GAS7: variants seen among roughly 807,000 people sequenced by gnomAD.
GAS7 encodes the protein growth arrest specific 7, also known as growth arrest-specific protein 7.
A neutral mutation model predicts 71.1 loss-of-function variants in GAS7; 28 were observed. The observed-to-expected ratio is 0.39, with a 90% confidence interval of 0.29 to 0.54. The LOEUF (loss-of-function observed/expected upper bound fraction) is 0.54. Among genes scored for constraint, GAS7 ranks in the 20% least tolerant of loss-of-function variants. The pLI is 0.62. For synonymous variants in GAS7, 258 were observed against 245.8 expected, an observed-to-expected ratio of 1.05 and a Z score of -0.46; for missense variants, 436 against 627.8, an observed-to-expected ratio of 0.69 and a Z score of 3.27.
At chr17:10,059,853 C>A (rs1443857783) in intron 1 of GAS7, 6 of 975,452 alleles carry the variant, frequency 6.2e-6, no homozygotes, top group Non-Finnish European at 7.3e-6. Flanking sequence ...AAAATAGAGA[C>A]TTGACGTTGC....
intron 1 of GAS7, among the ~76,000 whole-genome samples, chr17:10,090,496 A>G (rs1415107219): frequency 3.3e-5 from 5 of 152,126 alleles, no homozygotes; most frequent in African/African-American, 1.2e-4. Context: ...ACAGAGACAC[A>G]AGCATACTAC....
At chr17:9,988,555 A>G (rs1012854564) in intron 2 of GAS7, among the ~76,000 whole-genome samples, 1 of 152,132 alleles carries the variant, frequency 6.6e-6, no homozygotes, top group Admixed American at 6.6e-5. Flanking sequence ...TTGCTACAAG[A>G]CATTTGAAAT....
rs12453635 is a variant in GAS7 at position 9,951,786 on chromosome 17, A to G, written c.526-4803T>C. The stretch of plus-strand genomic sequence containing the variant: ...AAAAAAAAAAAAAAAAAAAAAAAAA[A>G]CAAGAAGAAAGGACTTTCCCATGTC... On this transcript the variant is annotated intron_variant, in intron 5 of 13. Coordinates refer to ENST00000432992, the MANE Select transcript of GAS7 (RefSeq NM_201433.2). Among the ~76,000 whole-genome samples, 117 of 138,310 alleles carry G rather than the reference A, an allele frequency of 8.5e-4. 2 individuals carry two copies. The East Asian group carries it at 0.025, about 29-fold the overall frequency. The allele number at this position is 138,310 out of a possible 152,430, so 90.7% of individuals were successfully genotyped here. A position where few individuals can be genotyped will look rare whatever the true frequency, so the allele number is the denominator to read the frequency against.
At chr17:10,187,873 T>A (rs11078836) in intron 1 of GAS7, among the ~76,000 whole-genome samples, 60,461 of 152,128 alleles carry the variant, frequency 0.4, 12,259 homozygotes, top group African/African-American at 0.46. Context: ...AAAGTAATTC[T>A]TTTCTGGACA....
chr17:9,951,602 C>T (rs1214552704), intron 5 of GAS7, among the ~76,000 whole-genome samples: 2 of 151,944 alleles, frequency 1.3e-5, no homozygotes, highest in Non-Finnish European at 2.9e-5. Context: ...ACTAAAAATA[C>T]AAAATTAGCC....
intron 2 of GAS7, among the ~76,000 whole-genome samples, chr17:9,988,120 C>T (rs768088667): frequency 2.0e-5 from 3 of 152,250 alleles, no homozygotes; most frequent in Non-Finnish European, 2.9e-5. Context: ...TATACTCACC[C>T]TTCTGTGCTA....
chr17:9,997,091 AGAG>A (rs2071077646), intron 2 of GAS7, among the ~76,000 whole-genome samples: 1 of 152,198 alleles, frequency 6.6e-6, no homozygotes, highest in Non-Finnish European at 1.5e-5. Flanking sequence ...CGTATGGTAA[AGAG>A]GTGCTTCTCA....
At chr17:10,121,880 T>C (rs1403790019) in intron 1 of GAS7, among the ~76,000 whole-genome samples, 1 of 152,036 alleles carries the variant, frequency 6.6e-6, no homozygotes, top group African/African-American at 2.4e-5. Flanking sequence ...CAGCATGGAA[T>C]GCACCCCCTC....
chr17:10,105,399 C>T (rs2073747392), intron 1 of GAS7, among the ~76,000 whole-genome samples: 1 of 152,160 alleles, frequency 6.6e-6, no homozygotes, highest in Non-Finnish European at 1.5e-5. Context: ...CTTGGTCTCA[C>T]TAGCCATTTT....
chr17:10,171,763 C>A (rs1240311111), intron 1 of GAS7, among the ~76,000 whole-genome samples: 1 of 150,734 alleles, frequency 6.6e-6, no homozygotes, highest in Non-Finnish European at 1.5e-5. Context: ...TGAGCAAATT[C>A]TTTGACCTCT....
chr17:9,967,613 A>ACTT, intron 4 of GAS7, among the ~76,000 whole-genome samples: 1 of 109,504 alleles, frequency 9.1e-6, no homozygotes, highest in Admixed American at 8.6e-5. Context: ...TGTGTGTCCT[A>ACTT]CTTTTTTTTT....
At chr17:10,009,178 G>A (rs1009856541) in intron 2 of GAS7, among the ~76,000 whole-genome samples, 10 of 151,490 alleles carry the variant, frequency 6.6e-5, no homozygotes, top group East Asian at 1.9e-4. Context: ...AAAATTAGCC[G>A]GGCGTAGTGG....
chr17:10,150,450 AC>A (rs1166143227), intron 1 of GAS7, among the ~76,000 whole-genome samples: 1 of 148,734 alleles, frequency 6.7e-6, no homozygotes, highest in Non-Finnish European at 1.5e-5. Context: ...ACACACACAC[AC>A]AAAGTGTAAA....
Position 10,190,412 on chromosome 17 carries a change from A to G in GAS7, c.183+7796T>C, listed in dbSNP as rs140718174. 6.2e-3 allele frequency among the ~76,000 whole-genome samples: 942 copies of G among 151,936 alleles called. 8 individuals carry two copies. The highest frequency in any genetic ancestry group is 0.022 in the African/African-American group (900 of 41,440). On this transcript the variant is annotated intron_variant, in intron 1 of 13. Transcript: ENST00000432992. ...AGCCTGACCAGCGTGGTGAAACCCC[A>G]TCTCTATTAAAAATACAAAAATTAG... is the stretch of plus-strand genomic sequence containing the variant.
At chr17:10,018,884 G>A (rs758022377) in intron 2 of GAS7, among the ~76,000 whole-genome samples, 11 of 152,172 alleles carry the variant, frequency 7.2e-5, no homozygotes, top group Non-Finnish European at 1.0e-4. Context: ...GCCTTGGAAC[G>A]CATGTCTGTG....
chr17:10,126,892 C>T (rs2073955643), intron 1 of GAS7, among the ~76,000 whole-genome samples: 1 of 152,164 alleles, frequency 6.6e-6, no homozygotes, highest in African/African-American at 2.4e-5. Flanking sequence ...CTTTTTTAAC[C>T]TCTTTGGGTC....
chr17:9,969,799 G>GC lies in GAS7; in HGVS notation c.386-38dup. ...GAGACACGGCTCAGATGCTGTGTGGGCCACAGATGGGCACCCCCGCCTTTC... is the reference window on the plus strand; with the variant it reads ...GAGACACGGCTCAGATGCTGTGTGGGCCCACAGATGGGCACCCCCGCCTTTC... On this transcript the variant is annotated intron_variant, in intron 3 of 13. Coordinates refer to ENST00000432992, the MANE Select transcript of GAS7 (RefSeq NM_201433.2). The surrounding 1 kb of genome is among the most constrained non-coding windows in gnomAD (Gnocchi z 5.5). The GC allele has an allele frequency of 1.5e-6, 2 of 1,337,982 alleles. No homozygotes were observed. Among genetic ancestry groups the GC allele is most frequent in the East Asian group, 4.6e-5 (2 of 43,442 alleles). 82.9% of individuals were successfully genotyped at this position (1,337,982 alleles called of 1,614,324 possible).
At chr17:9,921,974 A>T (rs1055049861) in intron 11 of GAS7, among the ~76,000 whole-genome samples, 1 of 151,930 alleles carries the variant, frequency 6.6e-6, no homozygotes, top group East Asian at 1.9e-4. Flanking sequence ...AAAAAAAAAA[A>T]AAGCCTTTGT....
intron 2 of GAS7, among the ~76,000 whole-genome samples, chr17:9,991,408 G>T (rs1367865073): frequency 6.6e-6 from 1 of 152,122 alleles, no homozygotes; most frequent in African/African-American, 2.4e-5. Flanking sequence ...TGGGGAGCAG[G>T]GGCTCCTGTG....
Sources: gnomAD v4.1 joint callset for allele counts (sites outside exome capture counted in the v4.1 genomes callset) on GRCh38, gnomAD v4.1.1 for gene constraint, Gnocchi (gnomAD v3.1) non-coding constraint, MANE v1.5 for transcripts, NCBI Gene and HGNC (gene_info 2026-07-23, HGNC 2026-07-21) for gene names.